UROS: variants seen among roughly 807,000 people sequenced by gnomAD.
UROS encodes the protein uroporphyrinogen III synthase.
Under a neutral mutation model 33.0 loss-of-function variants are expected in UROS, and 18 were observed. The observed-to-expected ratio is 0.55, with a 90% CI of 0.38 to 0.81. UROS has a LOEUF of 0.81. UROS is among the 30% of genes least tolerant of loss of function. The probability of loss-of-function intolerance (pLI) is 0.00; values close to 1 mark genes in which losing one functional copy is unlikely to be tolerated. For synonymous variants in UROS, 114 were observed against 121.1 expected, an observed-to-expected ratio of 0.94 and a Z score of 0.38; for missense variants, 293 against 314.9, an observed-to-expected ratio of 0.93 and a Z score of 0.53.
At chr10:125,822,590 T>C (rs1049363799) in intron 1 of UROS, among the ~76,000 whole-genome samples, 2 of 152,164 alleles carry the variant, frequency 1.3e-5, no homozygotes, top group Non-Finnish European at 2.9e-5. Context: ...CCCAAAGTGC[T>C]GGGATTACAG....
chr10:125,797,975 G>T, intron 7 of UROS, 90 bp downstream of exon 7: 1 of 1,464,792 alleles, frequency 6.8e-7, no homozygotes. Flanking sequence ...TCCCTTGTGT[G>T]CTCTCTGCAG....
chr10:125,797,936 G>T, intron 7 of UROS, 129 bp downstream of exon 7: 1 of 1,042,848 alleles, frequency 9.6e-7, no homozygotes, highest in Non-Finnish European at 1.5e-6. Flanking sequence ...TGTGTCTCCT[G>T]GCCTGGCTTA....
rs777021981 is a variant in UROS, at chr10:125,794,840, A to C, written c.660+40T>G. ...ATTCATAAAGATTAAAAAAAAAAAAAAGAATCTGAAAAAGACCAAAAGCTC... is the reference window on the plus strand; with the variant it reads ...ATTCATAAAGATTAAAAAAAAAAAACAGAATCTGAAAAAGACCAAAAGCTC... On this transcript the variant is annotated intron_variant, in intron 9 of 9. Transcript: ENST00000368797. The C allele has an allele frequency of 1.5e-5, 23 of 1,555,608 alleles. No homozygotes were observed. In the Admixed American group the frequency reaches 1.7e-4, roughly 12 times the overall value.
intron 8 of UROS, 145 bp downstream of exon 8, chr10:125,795,958 C>G: frequency 1.3e-6 from 1 of 788,462 alleles, no homozygotes; most frequent in Admixed American, 1.7e-5. Context: ...CCCAGACCAA[C>G]TATGTGACAG....
At position 125,788,747 on chromosome 10, in the gene UROS, A is replaced by T. The variant is rs1284743971; in HGVS notation, c.*121T>A. 3 of 1,455,408 alleles carry T rather than the reference A, an allele frequency of 2.1e-6. No individual in the cohort carries two copies. Among genetic ancestry groups the T allele is most frequent in the Non-Finnish European group, 2.7e-6 (3 of 1,106,602 alleles). 90.2% of individuals were successfully genotyped at this position (1,455,408 alleles called of 1,614,324 possible). On this transcript the variant is annotated 3_prime_UTR_variant, in exon 10 of 10. Transcript: ENST00000368797. The stretch of plus-strand genomic sequence containing the variant: ...CGATCCCCGGTCCTCAGGTGCTTCC[A>T]CTCAGGCTTGAGGCAGGAGTCTGAC...
At chr10:125,799,891 C>T (rs1158935073) in intron 6 of UROS, among the ~76,000 whole-genome samples, 1 of 152,090 alleles carries the variant, frequency 6.6e-6, no homozygotes, top group Non-Finnish European at 1.5e-5. Context: ...GGAGTTATTC[C>T]CTTTTGGAAT....
At chr10:125,802,462 C>T (rs1851926034) in intron 6 of UROS, 2 of 986,900 alleles carry the variant, frequency 2.0e-6, no homozygotes, top group South Asian at 9.4e-5. Flanking sequence ...CGTTGGCCAT[C>T]AGGCCTTTTC....
intron 4 of UROS, among the ~76,000 whole-genome samples, chr10:125,814,421 A>C (rs1853113650): frequency 6.6e-6 from 1 of 152,228 alleles, no homozygotes; most frequent in African/African-American, 2.4e-5. Context: ...TGGTAACATA[A>C]GACATAAGAT....
Position 125,816,221 on chromosome 10 carries a change from CAG to C in UROS, c.101_102del (p.Pro34ArgfsTer5). 6.2e-7 allele frequency: 1 copy of C among 1,614,208 alleles called. No individual in the cohort carries two copies. The highest frequency in any genetic ancestry group is 8.5e-7 in the Non-Finnish European group (1 of 1,180,044). On this transcript the variant is annotated frameshift_variant, in exon 3 of 10. Coordinates refer to ENST00000368797, the MANE Select transcript of UROS (RefSeq NM_000375.3). LOFTEE classifies it high-confidence loss of function. ...GLYGLEATLI[P>X]VLSFEFLSLP... ...AGAGACAAAAACTCAAACGATAAAA[CAG>C]GGATCAAAGTGGCTTCAAGTCCATA...
At chr10:125,814,198 TTAG>T (rs1303075690) in intron 4 of UROS, among the ~76,000 whole-genome samples, 5 of 152,188 alleles carry the variant, frequency 3.3e-5, no homozygotes, top group African/African-American at 7.2e-5. Context: ...CCCATTACTA[TTAG>T]TAGTAATCCC....
chr10:125,787,514 C>T (rs1850670092), downstream of UROS, among the ~76,000 whole-genome samples: 1 of 152,106 alleles, frequency 6.6e-6, no homozygotes. Flanking sequence ...CGTCTAACAC[C>T]TCCTGCTGCT....
intron 6 of UROS, among the ~76,000 whole-genome samples, chr10:125,800,727 A>T (rs958492630): frequency 1.3e-5 from 2 of 151,786 alleles, no homozygotes; most frequent in African/African-American, 4.8e-5. Flanking sequence ...AGCCCAGGTA[A>T]TTTTTGTATT....
At chr10:125,789,501 C>A in intron 9 of UROS, 1 of 404,018 alleles carries the variant, frequency 2.5e-6, no homozygotes, top group Non-Finnish European at 3.5e-6. Flanking sequence ...GGCCCGTGGC[C>A]CATCCTCTCT....
intron 1 of UROS, chr10:125,819,764 A>G: frequency 6.5e-6 from 1 of 153,116 alleles, no homozygotes; most frequent in East Asian, 1.9e-4. Context: ...TTTTTTTCCA[A>G]TGAAAATAAC....
intron 6 of UROS, 55 bp from the exon 7 acceptor site, chr10:125,798,200 G>C: frequency 6.3e-7 from 1 of 1,588,682 alleles, no homozygotes; most frequent in Non-Finnish European, 8.6e-7. Context: ...CTGTGCACAG[G>C]GGAATGGGGA....
At chr10:125,821,288 T>G (rs1853857427) in intron 1 of UROS, among the ~76,000 whole-genome samples, 1 of 152,240 alleles carries the variant, frequency 6.6e-6, no homozygotes, top group South Asian at 2.1e-4. Context: ...ATACATGCAA[T>G]GGAGTATTAT....
At position 125,788,745 on chromosome 10, in the gene UROS, C is replaced by T. The variant is rs1483363096; in HGVS notation, c.*123G>A. 4.1e-6 allele frequency: 6 copies of T among 1,452,674 alleles called. No individual in the cohort carries two copies. The African/African-American group carries it at 7.1e-5, about 17-fold the overall frequency. The allele number at this position is 1,452,674 out of a possible 1,614,324, so 90.0% of individuals were successfully genotyped here. On this transcript the variant is annotated 3_prime_UTR_variant, in exon 10 of 10. Coordinates refer to ENST00000368797, the MANE Select transcript of UROS (RefSeq NM_000375.3). Reference sequence around the variant, plus strand: ...CCCGATCCCCGGTCCTCAGGTGCTTCCACTCAGGCTTGAGGCAGGAGTCTG... The same window carrying T: ...CCCGATCCCCGGTCCTCAGGTGCTTTCACTCAGGCTTGAGGCAGGAGTCTG...
At position 125,807,737 on chromosome 10, in the gene UROS, T is replaced by C. The variant is rs78656357; in HGVS notation, c.320-250A>G. ...TTAACTAGCTTCCCTGAGCCCCACATAGCTCATCTACAAGAGGGGGAAAAA... is the reference window on the plus strand; with the variant it reads ...TTAACTAGCTTCCCTGAGCCCCACACAGCTCATCTACAAGAGGGGGAAAAA... On this transcript the variant is annotated intron_variant, in intron 5 of 9. Transcript: ENST00000368797. 7.9e-3 allele frequency among the ~76,000 whole-genome samples: 1,201 copies of C among 152,244 alleles called. 22 individuals carry two copies. Among genetic ancestry groups the C allele is most frequent in the African/African-American group, 0.027 (1,111 of 41,536 alleles).
intron 7 of UROS, among the ~76,000 whole-genome samples, 184 bp downstream of exon 7, chr10:125,797,876 AGAAAG>A (rs1268020215): frequency 6.6e-6 from 1 of 152,222 alleles, no homozygotes; most frequent in Non-Finnish European, 1.5e-5. Flanking sequence ...GTGGATCCAA[AGAAAG>A]GAAAGTGCAG....
Sources: allele counts gnomAD v4.1 joint callset (sites outside exome capture counted in the v4.1 genomes callset), GRCh38; gene constraint gnomAD v4.1.1; transcripts MANE v1.5; gene names NCBI Gene and HGNC (gene_info 2026-07-23, HGNC 2026-07-21).